Variants in PRICKLE2 observed in about 807,000 individuals in gnomAD.
PRICKLE2 encodes prickle planar cell polarity protein 2.
A neutral mutation model predicts 81.4 loss-of-function variants in PRICKLE2; 21 were observed. The observed-to-expected ratio is 0.26, with a 90% CI of 0.18 to 0.37. PRICKLE2 has a LOEUF of 0.37. Ranked by LOEUF, PRICKLE2 falls within the 10% of genes least tolerant of loss-of-function variation. PRICKLE2 has a pLI of 1.00. For synonymous variants in PRICKLE2, 456 were observed against 421.5 expected, an observed-to-expected ratio of 1.08 and a Z score of -1.00; for missense variants, 940 against 1,109.0, an observed-to-expected ratio of 0.85 and a Z score of 2.16.
Position 64,115,627 on chromosome 3 carries a change from G to A in PRICKLE2, c.1661-15702C>T, listed in dbSNP as rs138116415. ...AGGGCATTATGTAATGGTAAAGGGT[G>A]GAATTCAGCAAGAAAATCTCACTAT... On this transcript the variant is annotated intron_variant, in intron 7 of 7. Coordinates refer to ENST00000638394, the MANE Select transcript of PRICKLE2 (RefSeq NM_198859.4). Among the ~76,000 whole-genome samples the A allele has an allele frequency of 1.5e-4, 23 of 152,160 alleles. No individual in the cohort carries two copies. In the East Asian group the frequency reaches 3.9e-3, roughly 26 times the overall value.
Position 64,099,459 on chromosome 3 carries a change from G to A in PRICKLE2, c.2127C>T (p.Ser709=), listed in dbSNP as rs2106935376. The A allele has an allele frequency of 6.3e-7, 1 of 1,584,994 alleles. No homozygotes were observed. Among genetic ancestry groups the A allele is most frequent in the Admixed American group, 1.7e-5 (1 of 57,728 alleles). Residue 709 remains serine, a synonymous_variant, in exon 8 of 8, where the codon TCC becomes TCT. Transcript: ENST00000638394. This position sits in a 1 kb window ranked among gnomAD's most constrained non-coding sequence, Gnocchi z 4.3. ...LHLASEREAI[S]RLKDRPPLRA... ...TCAGAGGGGGCCTATCTTTTAACCGGGAGATGGCCTCGCGTTCGCTGGCCA... is the reference window on the plus strand; with the variant it reads ...TCAGAGGGGGCCTATCTTTTAACCGAGAGATGGCCTCGCGTTCGCTGGCCA...
intron 1 of PRICKLE2, among the ~76,000 whole-genome samples, chr3:64,207,880 G>A (rs971066749): frequency 2.6e-5 from 4 of 152,112 alleles, no homozygotes; most frequent in Admixed American, 2.0e-4. Flanking sequence ...CCAATGCTGC[G>A]ATAACTTACA....
At chr3:64,115,829 G>C (rs563419150) in intron 7 of PRICKLE2, among the ~76,000 whole-genome samples, 1 of 152,128 alleles carries the variant, frequency 6.6e-6, no homozygotes, top group East Asian at 1.9e-4. Context: ...CCTGAACTCC[G>C]CTCTGGATCA....
chr3:64,229,786 A>C (rs1340237113), upstream of PRICKLE2, among the ~76,000 whole-genome samples: 1 of 152,244 alleles, frequency 6.6e-6, no homozygotes, highest in Non-Finnish European at 1.5e-5. Context: ...TTTACTCAAG[A>C]GTAATCCTGA....
At chr3:64,161,295 T>C (rs911431572) in intron 3 of PRICKLE2, among the ~76,000 whole-genome samples, 1 of 152,208 alleles carries the variant, frequency 6.6e-6, no homozygotes, top group East Asian at 1.9e-4. Flanking sequence ...TACCACACTT[T>C]GGGAAACACG....
rs754654816 is a variant in PRICKLE2 at position 64,147,486 on chromosome 3, C to T, written c.1004G>A (p.Arg335Gln). ...GTTCTTGCCAATTTTGGCACTGCGCCGGGACTCCTTGGCCCTGGCGTTCTG... is the reference window on the plus strand; with the variant it reads ...GTTCTTGCCAATTTTGGCACTGCGCTGGGACTCCTTGGCCCTGGCGTTCTG... ...AFQNARAKES[R>Q]RSAKIGKNKG... The change falls in exon 7 of 8, where the codon CGG (arginine) becomes CAG (glutamine). Residue 335 changes from arginine to glutamine, a missense_variant. By Grantham distance (43) the Arg-to-Gln change is conservative (BLOSUM62 1). Transcript: ENST00000638394. The surrounding 1 kb of genome is among the most constrained non-coding windows in gnomAD (Gnocchi z 5.0). 6.8e-6 allele frequency: 11 copies of T among 1,614,108 alleles called. No individual in the cohort carries two copies. Among genetic ancestry groups the T allele is most frequent in the African/African-American group, 4.0e-5 (3 of 74,940 alleles).
At chr3:64,132,925 T>A (rs943138359) in intron 7 of PRICKLE2, among the ~76,000 whole-genome samples, 1 of 152,200 alleles carries the variant, frequency 6.6e-6, no homozygotes, top group Non-Finnish European at 1.5e-5. Flanking sequence ...TACAACTCCA[T>A]GTTTCCAGGA....
intron 2 of PRICKLE2, among the ~76,000 whole-genome samples, chr3:64,170,387 A>G (rs2077908140): frequency 6.6e-6 from 1 of 152,206 alleles, no homozygotes; most frequent in Admixed American, 6.5e-5. Context: ...TCCAGAATCC[A>G]GTCATTTTCC....
intron 2 of PRICKLE2, among the ~76,000 whole-genome samples, chr3:64,248,572 A>C (rs2079394066): frequency 6.6e-6 from 1 of 151,982 alleles, no homozygotes; most frequent in South Asian, 2.1e-4. Context: ...AAGGAGTAAG[A>C]GGTGAAGCCA....
At chr3:64,267,292 A>G (rs1471377) in intron 2 of PRICKLE2, among the ~76,000 whole-genome samples, 79,600 of 152,020 alleles carry the variant, frequency 0.52, 24,009 homozygotes, top group Non-Finnish European at 0.68. Flanking sequence ...CACCTACCCC[A>G]ATTCAGAAAG....
Position 64,142,282 on chromosome 3 carries a change from G to C in PRICKLE2, c.1660+4548C>G, listed in dbSNP as rs552231395. On this transcript the variant is annotated intron_variant, in intron 7 of 7. Coordinates refer to ENST00000638394, the MANE Select transcript of PRICKLE2 (RefSeq NM_198859.4). ...TTTCTCAGGCTGGTTAGGAAAAAAG[G>C]AGCCTGCAGGAGTATTTTCTTTCTT... 5.2e-5 allele frequency among the ~76,000 whole-genome samples: 7 copies of C among 133,872 alleles called. No homozygotes were observed. In the East Asian group the frequency reaches 1.8e-3, roughly 34 times the overall value. The allele number at this position is 133,872 out of a possible 152,430, so 87.8% of individuals were successfully genotyped here. A position where few individuals can be genotyped will look rare whatever the true frequency, so the allele number is the denominator to read the frequency against.
chr3:64,200,631 T>C (rs1193749054), intron 1 of PRICKLE2: 1 of 151,176 alleles, frequency 6.6e-6, no homozygotes, highest in Non-Finnish European at 1.5e-5. Context: ...TTTTTTTTTT[T>C]CTGAGACAGA....
chr3:64,139,872 T>C (rs2077333750), intron 7 of PRICKLE2, among the ~76,000 whole-genome samples: 1 of 152,302 alleles, frequency 6.6e-6, no homozygotes, highest in South Asian at 2.1e-4. Flanking sequence ...AGCATCACTT[T>C]TTCAGGATGT....
At chr3:64,257,915 T>C (rs75006276) in intron 2 of PRICKLE2, among the ~76,000 whole-genome samples, 147 of 152,188 alleles carry the variant, frequency 9.7e-4, no homozygotes, top group African/African-American at 3.3e-3. Flanking sequence ...AGTGCTCTTA[T>C]AAAAGAGACC....
Position 64,139,605 on chromosome 3 carries a change from A to T in PRICKLE2, c.1660+7225T>A, listed in dbSNP as rs184245188. Among the ~76,000 whole-genome samples the T allele has an allele frequency of 3.0e-3, 458 of 152,312 alleles. 4 individuals are homozygous for T. Among genetic ancestry groups the T allele is most frequent in the Middle Eastern group, 0.02 (6 of 294 alleles). On this transcript the variant is annotated intron_variant, in intron 7 of 7. Coordinates refer to ENST00000638394, the MANE Select transcript of PRICKLE2 (RefSeq NM_198859.4). ...GCTGAAGCCATCTTTTCAAAATGCA[A>T]ATTGGATCATGTCACCTCCCTCACT...
chr3:64,213,087 T>TTG (rs2078816300), intron 1 of PRICKLE2, among the ~76,000 whole-genome samples: 1 of 151,816 alleles, frequency 6.6e-6, no homozygotes, highest in Admixed American at 6.6e-5. Context: ...CTTTTTTTTT[T>TTG]TTTTTTGAGA....
rs1427254251 is a variant in PRICKLE2, at chr3:64,146,521, A to T, written c.1660+309T>A. The T allele has an allele frequency of 5.2e-5, 17 of 327,712 alleles. 1 individual carries two copies. Among genetic ancestry groups the T allele is most frequent in the Non-Finnish European group, 5.9e-6 (1 of 169,342 alleles). 20.3% of individuals were successfully genotyped at this position (327,712 alleles called of 1,614,324 possible). On this transcript the variant is annotated intron_variant, in intron 7 of 7. Transcript: ENST00000638394. ...CACTTTGGGAGGCCGAGGCAGGTGG[A>T]TCACGAGGTCAGGAGATCGAGAACA...
chr3:64,171,161 C>T (rs1448251994), intron 2 of PRICKLE2, among the ~76,000 whole-genome samples: 2 of 152,170 alleles, frequency 1.3e-5, no homozygotes, highest in African/African-American at 2.4e-5. Context: ...TGGTGTCATC[C>T]TCCTTTCTTC....
intron 2 of PRICKLE2, among the ~76,000 whole-genome samples, chr3:64,253,284 T>A (rs1254259590): frequency 6.6e-6 from 1 of 152,190 alleles, no homozygotes; most frequent in Non-Finnish European, 1.5e-5. Context: ...GTCTAAGTAA[T>A]CCATTCTACA....
Sources: allele counts gnomAD v4.1 joint callset (sites outside exome capture counted in the v4.1 genomes callset), GRCh38; gene constraint gnomAD v4.1.1; non-coding constraint Gnocchi (gnomAD v3.1); transcripts MANE v1.5; gene names NCBI Gene and HGNC (gene_info 2026-07-23, HGNC 2026-07-21).